The following NFATC1 variants were observed in gnomAD, a reference collection of about 807,000 sequenced individuals.
The protein encoded by NFATC1 is nuclear factor of activated T-cells, cytoplasmic 1.
Under a neutral mutation model 76.0 loss-of-function variants are expected in NFATC1, and 22 were observed. The ratio of observed to expected loss-of-function variants is 0.29; its 90% CI spans 0.21 to 0.41. The LOEUF is 0.41. Ranked by LOEUF, NFATC1 falls within the 10% of genes least tolerant of loss-of-function variation. NFATC1 has a pLI of 1.00. For missense variants in NFATC1, 1,357 were observed against 1,337.7 expected, an observed-to-expected ratio of 1.01 and a Z score of -0.23; for synonymous variants, 704 against 613.1, an observed-to-expected ratio of 1.15 and a Z score of -2.19.
chr18:79,495,365 G>A (rs1433632880), intron 9 of NFATC1, among the ~76,000 whole-genome samples: 2 of 152,346 alleles, frequency 1.3e-5, no homozygotes. Context: ...ATTCTATGCT[G>A]TTTCTAGTTG....
intron 5 of NFATC1, among the ~76,000 whole-genome samples, chr18:79,451,342 G>A (rs901669699): frequency 6.6e-6 from 1 of 152,262 alleles, no homozygotes; most frequent in African/African-American, 2.4e-5. Flanking sequence ...TCCTCTGATG[G>A]CTGAGCATGG....
rs537118833 is a variant in NFATC1, at chr18:79,459,192, C to T, written c.1904-2119C>T. 5.3e-5 allele frequency among the ~76,000 whole-genome samples: 8 copies of T among 152,368 alleles called. No homozygotes were observed. The East Asian group carries it at 1.5e-3, about 29-fold the overall frequency. On this transcript the variant is annotated intron_variant, in intron 6 of 9. Transcript: ENST00000427363. ...CAGGGTGCGGGTGCTCCCAGGTGTG[C>T]GGTGGAGGCTGCTCCATGGCAGCTG...
intron 2 of NFATC1, among the ~76,000 whole-genome samples, chr18:79,423,551 G>T (rs906293972): frequency 3.7e-4 from 57 of 152,318 alleles, no homozygotes; most frequent in African/African-American, 1.3e-3. Context: ...CTGTGGGTAG[G>T]CCATGGGCCG....
chr18:79,413,767 T>C (rs1397313928), intron 2 of NFATC1, among the ~76,000 whole-genome samples: 2 of 152,198 alleles, frequency 1.3e-5, no homozygotes, highest in Non-Finnish European at 2.9e-5. Flanking sequence ...GGATGTCGTG[T>C]TCTGGCAGGC....
intron 1 of NFATC1, among the ~76,000 whole-genome samples, chr18:79,406,926 C>T (rs1004570322): frequency 4.6e-5 from 7 of 152,208 alleles, no homozygotes; most frequent in Non-Finnish European, 8.8e-5. Flanking sequence ...GTCACCCAGG[C>T]GTGTGGGGCG....
chr18:79,517,662 C>T (rs2090416522), intron 9 of NFATC1, among the ~76,000 whole-genome samples: 1 of 152,202 alleles, frequency 6.6e-6, no homozygotes, highest in Admixed American at 6.5e-5. Flanking sequence ...GCAGGACGTT[C>T]TGATGTCTGA....
intron 9 of NFATC1, among the ~76,000 whole-genome samples, 192 bp downstream of exon 9, chr18:79,487,129 G>A (rs2089528500): frequency 2.0e-5 from 3 of 152,224 alleles, no homozygotes; most frequent in African/African-American, 7.2e-5. Context: ...TGGGGCGCTC[G>A]CCGTGAGATC....
intron 6 of NFATC1, among the ~76,000 whole-genome samples, chr18:79,456,786 C>A (rs929980390): frequency 6.6e-6 from 1 of 152,084 alleles, no homozygotes; most frequent in Non-Finnish European, 1.5e-5. Context: ...GAGATGGACC[C>A]GGGGGATGGC....
chr18:79,521,461 T>A (rs1380369408), intron 9 of NFATC1, among the ~76,000 whole-genome samples: 3 of 73,302 alleles, frequency 4.1e-5, no homozygotes, highest in African/African-American at 5.6e-5. Context: ...GAGCATCCAC[T>A]GATGTGTATG....
rs921888350 is a variant in NFATC1, at chr18:79,524,292, C to T, written c.2783-3236C>T. 3.3e-5 allele frequency among the ~76,000 whole-genome samples: 5 copies of T among 152,360 alleles called. No individual in the cohort carries two copies. The highest frequency in any genetic ancestry group is 1.2e-4 in the African/African-American group (5 of 41,582). On this transcript the variant is annotated intron_variant, in intron 9 of 9. Transcript: ENST00000427363. The surrounding 1 kb of genome is among the most constrained non-coding windows in gnomAD (Gnocchi z 7.2). ...AGCCGTGGCTTTCCTCTCAGGGCTA[C>T]GGCACAGGCCGTGTCTGCGGGGCGA...
In NFATC1 at chr18:79,466,153, G is replaced by A. The variant is rs557260898; in HGVS notation, c.1960-1297G>A. Among the ~76,000 whole-genome samples the A allele has an allele frequency of 5.9e-5, 9 of 152,352 alleles. No individual in the cohort carries two copies. In the South Asian group the frequency reaches 1.9e-3, roughly 32 times the overall value. Reference sequence around the variant, plus strand: ...CTGGGCCTCAGCTGTTTCATTATTTGTAAATGAAAGAGCCTGGACCTCAAG... The same window carrying A: ...CTGGGCCTCAGCTGTTTCATTATTTATAAATGAAAGAGCCTGGACCTCAAG... On this transcript the variant is annotated intron_variant, in intron 7 of 9. Transcript: ENST00000427363.
At chr18:79,514,564 C>CAAA (rs61341859) in intron 9 of NFATC1, among the ~76,000 whole-genome samples, 4 of 47,238 alleles carry the variant, frequency 8.5e-5, no homozygotes, top group African/African-American at 3.0e-4. Context: ...GACCCTGCCT[C>CAAA]AAAAAAAAAA....
At chr18:79,500,421 A>C (rs774892425) in intron 9 of NFATC1, among the ~76,000 whole-genome samples, 37 of 152,176 alleles carry the variant, frequency 2.4e-4, no homozygotes, top group Non-Finnish European at 3.5e-4. Context: ...ATAGCTTTAA[A>C]TGCCTATATG....
rs750703895 is a variant in NFATC1, at chr18:79,410,631, G to A, written c.356G>A (p.Arg119His). ...PDGAPALESP[R>H]IEITSCLGLY... Reference sequence around the variant, plus strand: ...GGGGCCCCTGCCCTGGAGAGTCCTCGCATCGAGATAACCTCGTGCTTGGGC... The same window carrying A: ...GGGGCCCCTGCCCTGGAGAGTCCTCACATCGAGATAACCTCGTGCTTGGGC... The change falls in exon 2 of 10, where the codon CGC becomes CAC. Residue 119 changes from arginine (R) to histidine (H), a missense_variant. Physicochemically the swap from Arg to His is conservative, Grantham distance 29. This residue lies in a region of NFATC1 where 691 missense variants were observed against 613.1 expected (regional missense o/e 1.13). Transcript: ENST00000427363. The surrounding 1 kb of genome is among the most constrained non-coding windows in gnomAD (Gnocchi z 6.7). 4 of 1,612,968 alleles carry A rather than the reference G, an allele frequency of 2.5e-6. No homozygotes were observed. The highest frequency in any genetic ancestry group is 3.4e-6 in the Non-Finnish European group (4 of 1,179,994).
At chr18:79,512,045 C>T (rs888780259) in intron 9 of NFATC1, among the ~76,000 whole-genome samples, 2 of 152,122 alleles carry the variant, frequency 1.3e-5, no homozygotes, top group African/African-American at 2.4e-5. Context: ...GAGCCTGTCC[C>T]GGCAATGGCT....
chr18:79,466,443 AGGGGCCCGAGTAACGCT>A (rs1422321538), intron 7 of NFATC1, among the ~76,000 whole-genome samples: 2 of 152,138 alleles, frequency 1.3e-5, no homozygotes, highest in Non-Finnish European at 2.9e-5. Flanking sequence ...TAGGGTCATC[AGGGGCCCGAGTAACGCT>A]GGGGCCTGAG....
At chr18:79,480,646 C>G (rs1216150965) in intron 8 of NFATC1, among the ~76,000 whole-genome samples, 2 of 152,160 alleles carry the variant, frequency 1.3e-5, no homozygotes, top group South Asian at 2.1e-4. Flanking sequence ...GAGCCGTGTT[C>G]TTGACGTTCT....
intron 9 of NFATC1, among the ~76,000 whole-genome samples, chr18:79,517,481 C>G (rs950594427): frequency 1.3e-5 from 2 of 152,134 alleles, no homozygotes; most frequent in African/African-American, 4.8e-5. Flanking sequence ...GACGGTGGGC[C>G]TTAGAAGGGA....
chr18:79,481,121 A>C (rs555014636), intron 8 of NFATC1, among the ~76,000 whole-genome samples: 138 of 152,346 alleles, frequency 9.1e-4, no homozygotes, highest in African/African-American at 3.2e-3. Flanking sequence ...GAGTTCACAG[A>C]GAGCACTTGG....
Sources: allele counts gnomAD v4.1 joint callset (sites outside exome capture counted in the v4.1 genomes callset), GRCh38; gene constraint gnomAD v4.1.1; regional missense constraint gnomAD v4.1.1; non-coding constraint Gnocchi (gnomAD v3.1); transcripts MANE v1.5; gene names NCBI Gene and HGNC (gene_info 2026-07-23, HGNC 2026-07-21).